The following CIC variants were observed in gnomAD, a reference collection of about 807,000 sequenced individuals.
CIC encodes the protein protein capicua homolog.
CIC carries 18 observed loss-of-function variants against 115.7 expected under a neutral mutation model. That is an observed-to-expected ratio of 0.16 (90% CI 0.11 to 0.23). The LOEUF is 0.23. CIC is among the 10% of genes least tolerant of loss of function. CIC has a pLI of 1.00. For missense variants in CIC, 2,000 were observed against 2,159.3 expected, an observed-to-expected ratio of 0.93 and a Z score of 1.46; for synonymous variants, 1,076 against 923.0, an observed-to-expected ratio of 1.17 and a Z score of -3.01.
At position 42,287,025 on chromosome 19, in the gene CIC, T is replaced by C. The variant is rs145020411; in HGVS notation, c.2964T>C (p.Ala988=). ...NQSKEPAESA[A]VAHERPPGGT... Reference sequence around the variant, plus strand: ...CCCCAGAACCTGCTGAGTCGGCAGCTGTTGCTCATGAACGGCCACCAGGTG... The same window carrying C: ...CCCCAGAACCTGCTGAGTCGGCAGCCGTTGCTCATGAACGGCCACCAGGTG... The change falls in exon 4 of 21, where the codon GCT becomes GCC. Residue 988 remains alanine, a synonymous_variant. Transcript: ENST00000681038. The surrounding 1 kb of genome is among the most constrained non-coding windows in gnomAD (Gnocchi z 8.7). The C allele has an allele frequency of 3.4e-5, 55 of 1,610,772 alleles. No individual in the cohort carries two copies. The highest frequency in any genetic ancestry group is 4.3e-5 in the Non-Finnish European group (51 of 1,179,988).
intron 2 of CIC, among the ~76,000 whole-genome samples, chr19:42,283,775 G>A (rs913991813): frequency 6.6e-6 from 1 of 152,052 alleles, no homozygotes; most frequent in Admixed American, 6.5e-5. Flanking sequence ...CCCCTGGCTC[G>A]GTGCCTTTAC....
chr19:42,290,358 C>A lies in CIC; in HGVS notation c.4317C>A (p.Ser1439=). Reference sequence around the variant, plus strand: ...TAGCCTTTGGCAAAGGCTATGGTTCCGCCCCATCCTCCTCTGCGTCCTCGC... The same window carrying A: ...TAGCCTTTGGCAAAGGCTATGGTTCAGCCCCATCCTCCTCTGCGTCCTCGC... The part of the protein sequence containing the change: ...PPVAFGKGYG[S]APSSSASSPA... The change falls in exon 11 of 21, where the codon TCC becomes TCA. Residue 1439 remains serine, a synonymous_variant. Coordinates refer to ENST00000681038, the MANE Select transcript of CIC (RefSeq NM_001386298.1). The A allele has an allele frequency of 6.2e-7, 1 of 1,614,128 alleles. No homozygotes were observed. Among genetic ancestry groups the A allele is most frequent in the Non-Finnish European group, 8.5e-7 (1 of 1,179,992 alleles).
rs1048506402 is a variant in CIC at position 42,274,393 on chromosome 19, C to T, written c.2610C>T (p.Thr870=). ...PPPLPAPVPI[T]VPPAAPTAVA... ...CTCTGCCAGCCCCCGTGCCCATCAC[C>T]GTGCCTCCAGCTGCACCAACTGCCG... The change falls in exon 2 of 21, where the codon ACC becomes ACT. Residue 870 remains threonine (T), a synonymous_variant. Coordinates refer to ENST00000681038, the MANE Select transcript of CIC (RefSeq NM_001386298.1). The T allele has an allele frequency of 3.0e-5, 12 of 398,898 alleles. No individual in the cohort carries two copies. Among genetic ancestry groups the T allele is most frequent in the African/African-American group, 8.2e-5 (4 of 48,648 alleles). The allele number at this position is 398,898 out of a possible 1,614,324, so 24.7% of individuals were successfully genotyped here.
intron 9 of CIC, 136 bp from the exon 10 acceptor site, chr19:42,289,712 C>T (rs1238201054): frequency 3.6e-6 from 3 of 830,658 alleles, no homozygotes; most frequent in East Asian, 5.3e-5. Flanking sequence ...GGGCACAGCC[C>T]TGGGCTGAGG....
In CIC at chr19:42,289,968, C is replaced by T. The variant is rs377027274; in HGVS notation, c.4191+17C>T. 3.4e-4 allele frequency: 528 copies of T among 1,568,282 alleles called. 3 individuals are homozygous for T. The African/African-American group carries it at 4.2e-3, about 12-fold the overall frequency. Reference sequence around the variant, plus strand: ...GGCAACAAGGTGAGGGCTTGGGTCACGGTGCTGTCCCATCACACTCCCTCC... The same window carrying T: ...GGCAACAAGGTGAGGGCTTGGGTCATGGTGCTGTCCCATCACACTCCCTCC... On this transcript the variant is annotated intron_variant, in intron 10 of 20. Transcript: ENST00000681038.
In CIC at chr19:42,290,256, A is replaced by G. The variant is rs1044303468; in HGVS notation, c.4215A>G (p.Ser1405=). 5 of 1,613,422 alleles carry G rather than the reference A, an allele frequency of 3.1e-6. No homozygotes were observed. In the African/African-American group the frequency reaches 6.7e-5, roughly 22 times the overall value. ...GNKGFGRKVF[S]PVIRSSFTHC... ...AGGGCTTTGGTCGGAAGGTGTTTTC[A>G]CCTGTGATCCGTTCCTCCTTTACCC... The change falls in exon 11 of 21, where the codon TCA becomes TCG. Residue 1405 remains serine (S), a synonymous_variant. Transcript: ENST00000681038.
In CIC at chr19:42,290,682, G is replaced by A; in HGVS notation, c.4641G>A (p.Glu1547=). The A allele has an allele frequency of 1.2e-6, 2 of 1,613,206 alleles. No individual in the cohort carries two copies. Among genetic ancestry groups the A allele is most frequent in the African/African-American group, 1.3e-5 (1 of 75,044 alleles). ...LQTLVLPPNK[E]EQEGGGARVP... ...CACTGGTGCTGCCCCCAAACAAGGA[G>A]GAGCAAGAGGGCGGCGGAGCCAGAG... The change falls in exon 11 of 21, where the codon GAG becomes GAA. Residue 1547 remains glutamate (E), a synonymous_variant. Transcript: ENST00000681038.
chr19:42,291,004 G>C lies in CIC; in HGVS notation c.4963G>C (p.Ala1655Pro). The C allele has an allele frequency of 6.2e-7, 1 of 1,613,794 alleles. No homozygotes were observed. The highest frequency in any genetic ancestry group is 8.5e-7 in the Non-Finnish European group (1 of 1,180,004). Residue 1655 changes from alanine (A) to proline (P), a missense_variant, in exon 11 of 21, where the codon GCT (alanine) becomes CCT (proline). Transcript: ENST00000681038. ...CACCTCACCAGCCCCACACTTGGTG[G>C]CTGGACCCCTGCTGGGCACTGTGGG... ...AATSPAPHLVAGPLLGTVGKA... is the reference protein window; with the variant it reads ...AATSPAPHLVPGPLLGTVGKA...
chr19:42,269,794 G>A (rs991337944), intron 1 of CIC, among the ~76,000 whole-genome samples: 2 of 151,814 alleles, frequency 1.3e-5, no homozygotes, highest in Non-Finnish European at 2.9e-5. Context: ...CATTTTAACC[G>A]AGAGGTAGAG....
chr19:42,274,603 C>T (rs576635526), intron 2 of CIC, 26 bp downstream of exon 2: 102 of 398,714 alleles, frequency 2.6e-4, no homozygotes, highest in African/African-American at 1.6e-3. Context: ...GGATGGGCTG[C>T]GCCAGGCTCA....
rs771745091 is a variant in CIC, at chr19:42,292,933, GCAAA to G, written c.6197-19_6197-16del. The G allele has an allele frequency of 5.6e-6, 9 of 1,613,786 alleles. No homozygotes were observed. Among genetic ancestry groups the G allele is most frequent in the African/African-American group, 2.7e-5 (2 of 74,920 alleles). On this transcript the variant is annotated intron_variant, in intron 15 of 20. Transcript: ENST00000681038. ...ATGGGCTCCAGTCAGGCCTGGCTCA[GCAAA>G]CAATTTTCTCCCCACTAGCAGGTTC...
chr19:42,291,422 G>C lies in CIC; in HGVS notation c.5381G>C (p.Gly1794Ala). Residue 1794 changes from glycine to alanine, a missense_variant, in exon 11 of 21, where the codon GGC (glycine) becomes GCC (alanine). By Grantham distance (60) the Gly-to-Ala change is moderately conservative (BLOSUM62 0). Around this residue, in one of 8 missense-constraint regions of CIC, gnomAD observed 1,466 missense variants for 1,390.4 expected, o/e 1.05. Transcript: ENST00000681038. ...KVLAATAPTPGIPILQSVPSA... is the reference protein window; with the variant it reads ...KVLAATAPTPAIPILQSVPSA... ...CTGGCTGCCACTGCACCCACTCCTG[G>C]CATCCCCATCCTGCAGTCTGTACCC... 6.2e-7 allele frequency: 1 copy of C among 1,612,902 alleles called. No homozygotes were observed. The highest frequency in any genetic ancestry group is 2.2e-5 in the East Asian group (1 of 44,886).
In CIC at chr19:42,292,088, C is replaced by G; in HGVS notation, c.5616C>G (p.Ile1872Met). Residue 1872 changes from isoleucine to methionine, a missense_variant and splice_region_variant, in exon 13 of 21, where the codon ATC (isoleucine) becomes ATG (methionine). Transcript: ENST00000681038. ...CCTATGGGTGCCCTTCTCCACAGAT[C>G]ATCCAGCTGACCCCGGTGCCTGTGA... ...VQNGAQPPSK[I>M]IQLTPVPVST... 3 of 1,613,796 alleles carry G rather than the reference C, an allele frequency of 1.9e-6. No homozygotes were observed. Among genetic ancestry groups the G allele is most frequent in the Non-Finnish European group, 2.5e-6 (3 of 1,180,000 alleles).
chr19:42,285,201 T>G (rs2037545678), intron 2 of CIC, among the ~76,000 whole-genome samples: 1 of 152,020 alleles, frequency 6.6e-6, no homozygotes. Flanking sequence ...TGGTGTAGTT[T>G]GCAGAGAGCG....
At position 42,290,431 on chromosome 19, in the gene CIC, G is replaced by C; in HGVS notation, c.4390G>C (p.Gly1464Arg). The change falls in exon 11 of 21, where the codon GGA becomes CGA. Residue 1464 changes from glycine to arginine, a missense_variant. Coordinates refer to ENST00000681038, the MANE Select transcript of CIC (RefSeq NM_001386298.1). ...SAATSFSLGSGTFKAQESGQG... is the reference protein window; with the variant it reads ...SAATSFSLGSRTFKAQESGQG... ...AGCCACCTCCTTCTCACTGGGCTCAGGAACCTTCAAGGCCCAGGAGTCTGG... is the reference window on the plus strand; with the variant it reads ...AGCCACCTCCTTCTCACTGGGCTCACGAACCTTCAAGGCCCAGGAGTCTGG... 1 of 1,614,102 alleles carries C rather than the reference G, an allele frequency of 6.2e-7. No individual in the cohort carries two copies. The highest frequency in any genetic ancestry group is 8.5e-7 in the Non-Finnish European group (1 of 1,179,972).
At position 42,290,647 on chromosome 19, in the gene CIC, A is replaced by G; in HGVS notation, c.4606A>G (p.Ile1536Val). 6.2e-7 allele frequency: 1 copy of G among 1,613,542 alleles called. No homozygotes were observed. The highest frequency in any genetic ancestry group is 8.5e-7 in the Non-Finnish European group (1 of 1,179,964). The change falls in exon 11 of 21, where the codon ATC becomes GTC. Residue 1536 changes from isoleucine to valine, a missense_variant. Coordinates refer to ENST00000681038, the MANE Select transcript of CIC (RefSeq NM_001386298.1). ...GGCCCCTCCCAGCGGAGGAGGAAAC[A>G]TCCTGCAGACACTGGTGCTGCCCCC... ...IAAPPSGGGN[I>V]LQTLVLPPNK... is the part of the protein sequence containing the mutation.
chr19:42,292,716 C>G lies in CIC; in HGVS notation c.6053C>G (p.Ala2018Gly), dbSNP rs1164469405. 1 of 1,613,844 alleles carries G rather than the reference C, an allele frequency of 6.2e-7. No homozygotes were observed. Among genetic ancestry groups the G allele is most frequent in the African/African-American group, 1.3e-5 (1 of 75,024 alleles). Residue 2018 changes from alanine (A) to glycine (G), a missense_variant, in exon 15 of 21, where the codon GCC becomes GGC. Physicochemically the swap from Ala to Gly is moderately conservative, Grantham distance 60 (BLOSUM62 0). Coordinates refer to ENST00000681038, the MANE Select transcript of CIC (RefSeq NM_001386298.1). The part of the protein sequence containing the change: ...SPAPTSSAPL[A>G]QPSQAPPSLV... ...GCACCCACCTCCTCAGCACCCCTGGCCCAGCCATCCCAGGCCCCCCCAAGC... is the reference window on the plus strand; with the variant it reads ...GCACCCACCTCCTCAGCACCCCTGGGCCAGCCATCCCAGGCCCCCCCAAGC...
At position 42,295,038 on chromosome 19, in the gene CIC, C is replaced by T. The variant is rs765829741; in HGVS notation, c.7401C>T (p.Asp2467=). The stretch of plus-strand genomic sequence containing the variant: ...CTCCCAGCCCCGCAGGGGGCCCTGA[C>T]CCCACCTCACCCAGCTCGGACTCTG... ...APTPSPAGGP[D]PTSPSSDSGT... is the part of the protein sequence containing the mutation. The change falls in exon 21 of 21, where the codon GAC becomes GAT. Residue 2467 remains aspartate (D), a synonymous_variant. Coordinates refer to ENST00000681038, the MANE Select transcript of CIC (RefSeq NM_001386298.1). 1.3e-6 allele frequency: 2 copies of T among 1,560,586 alleles called. No homozygotes were observed. Among genetic ancestry groups the T allele is most frequent in the African/African-American group, 1.4e-5 (1 of 73,836 alleles).
intron 2 of CIC, among the ~76,000 whole-genome samples, chr19:42,281,761 G>A (rs2037266491): frequency 2.0e-5 from 3 of 152,094 alleles, no homozygotes; most frequent in Admixed American, 2.0e-4. Flanking sequence ...GCCCCCACTT[G>A]GTTGTACCCT....
Sources: gnomAD v4.1 joint callset for allele counts (sites outside exome capture counted in the v4.1 genomes callset) on GRCh38, gnomAD v4.1.1 for gene constraint, gnomAD v4.1.1 regional missense constraint, Gnocchi (gnomAD v3.1) non-coding constraint, MANE v1.5 for transcripts, NCBI Gene and HGNC (gene_info 2026-07-23, HGNC 2026-07-21) for gene names.